Variants in ITGAV observed in about 807,000 individuals in gnomAD.
The protein encoded by ITGAV is integrin alpha-V.
In ITGAV, 76 loss-of-function variants were observed where a neutral mutation model predicts 143.8. The ratio of observed to expected loss-of-function variants is 0.53; its 90% confidence interval spans 0.44 to 0.64. The LOEUF (loss-of-function observed/expected upper bound fraction) is 0.64. ITGAV is among the 30% of genes least tolerant of loss of function. The pLI is 0.00. For synonymous variants in ITGAV, 453 were observed against 446.7 expected, an observed-to-expected ratio of 1.01 and a Z score of -0.18; for missense variants, 1,193 against 1,274.7, an observed-to-expected ratio of 0.94 and a Z score of 0.98.
chr2:186,665,269 T>C (rs1688858764), intron 21 of ITGAV, 51 bp downstream of exon 21: 1 of 1,142,706 alleles, frequency 8.8e-7, no homozygotes, highest in South Asian at 1.2e-5. Flanking sequence ...TAGAAAAGCA[T>C]ATTGTTGTCT....
chr2:186,596,046 C>T (rs1255522849), intron 1 of ITGAV, among the ~76,000 whole-genome samples: 1 of 152,166 alleles, frequency 6.6e-6, no homozygotes, highest in African/African-American at 2.4e-5. Context: ...TAGGGAATAA[C>T]TTATTAATGG....
chr2:186,674,927 A>G (rs1052236881), intron 26 of ITGAV, among the ~76,000 whole-genome samples: 3 of 152,182 alleles, frequency 2.0e-5, no homozygotes, highest in African/African-American at 7.2e-5. Context: ...ATGAAGTATG[A>G]TATTAGCTGT....
chr2:186,641,809 T>C (rs1688111685), intron 12 of ITGAV: 3 of 529,676 alleles, frequency 5.7e-6, no homozygotes, highest in Non-Finnish European at 6.7e-6. Flanking sequence ...TATTATTCAC[T>C]TGGCCTCAAA....
chr2:186,663,726 A>G (rs1688811183), intron 18 of ITGAV, 42 bp from the exon 19 acceptor site: 5 of 1,396,008 alleles, frequency 3.6e-6, no homozygotes, highest in Non-Finnish European at 5.1e-6. Flanking sequence ...TGCCACCTGC[A>G]TTGGTATTTT....
chr2:186,638,486 C>A, intron 10 of ITGAV, 21 bp downstream of exon 10: 3 of 1,591,066 alleles, frequency 1.9e-6, no homozygotes, highest in Non-Finnish European at 2.6e-6. Flanking sequence ...AAAATATGAT[C>A]GTCCTCTCCC....
chr2:186,641,156 A>G (rs1314674229), intron 11 of ITGAV, among the ~76,000 whole-genome samples, 189 bp downstream of exon 11: 1 of 152,134 alleles, frequency 6.6e-6, no homozygotes, highest in African/African-American at 2.4e-5. Context: ...GTTTTTTTTC[A>G]GTAGCTTTTA....
chr2:186,631,389 T>A (rs1687810699), intron 5 of ITGAV, among the ~76,000 whole-genome samples: 1 of 152,174 alleles, frequency 6.6e-6, no homozygotes, highest in South Asian at 2.1e-4. Flanking sequence ...TTAACTAAAT[T>A]AATATTCTCT....
In ITGAV at chr2:186,668,759, T is replaced by G. The variant is rs753652035; in HGVS notation, c.2434-3T>G. The G allele has an allele frequency of 1.2e-6, 2 of 1,612,066 alleles. No individual in the cohort carries two copies. The highest frequency in any genetic ancestry group is 3.4e-5 in the Admixed American group (2 of 59,636). ...GTAGATACATTTTCTTTTTTCTCCT[T>G]AGCTGAGAAACAATGGTCCAAGTTC... On this transcript the variant is annotated splice_polypyrimidine_tract_variant and splice_region_variant and intron_variant, in intron 24 of 29. Coordinates refer to ENST00000261023, the MANE Select transcript of ITGAV (RefSeq NM_002210.5).
At chr2:186,672,835 G>A (rs1038251556) in intron 26 of ITGAV, among the ~76,000 whole-genome samples, 3 of 152,116 alleles carry the variant, frequency 2.0e-5, no homozygotes, top group African/African-American at 7.2e-5. Flanking sequence ...TTAGATATAT[G>A]ATTGCACAGG....
intron 24 of ITGAV, 151 bp downstream of exon 24, chr2:186,667,927 C>A: frequency 2.5e-6 from 1 of 397,386 alleles, no homozygotes; most frequent in South Asian, 1.0e-4. Context: ...AATATTTTCC[C>A]TATACATAAA....
intron 5 of ITGAV, among the ~76,000 whole-genome samples, chr2:186,631,642 A>G (rs745566616): frequency 1.1e-4 from 16 of 152,228 alleles, no homozygotes; most frequent in Non-Finnish European, 1.6e-4. Context: ...ACGCTTTCTT[A>G]GAAATGTGAG....
chr2:186,630,788 T>G lies in ITGAV; in HGVS notation c.524-9T>G. On this transcript the variant is annotated splice_polypyrimidine_tract_variant and intron_variant, in intron 4 of 29. Transcript: ENST00000261023. The stretch of plus-strand genomic sequence containing the variant: ...GGGTTTGTGTATATTTCCAATCTTT[T>G]TATTTTAGAAGATATTGATGCTGAT... 6.6e-7 allele frequency: 1 copy of G among 1,522,862 alleles called. No homozygotes were observed. Among genetic ancestry groups the G allele is most frequent in the Non-Finnish European group, 9.1e-7 (1 of 1,101,536 alleles). The allele number at this position is 1,522,862 out of a possible 1,614,324, so 94.3% of individuals were successfully genotyped here.
chr2:186,677,393 T>G lies in ITGAV; in HGVS notation c.*101T>G, dbSNP rs1442457177. On this transcript the variant is annotated 3_prime_UTR_variant, in exon 30 of 30. Coordinates refer to ENST00000261023, the MANE Select transcript of ITGAV (RefSeq NM_002210.5). ...GAGGAGTAAAAATCCAAGGCTTTAC[T>G]GCTGATAGTGCTAATTGGCATTAAC... is the stretch of plus-strand genomic sequence containing the variant. The G allele has an allele frequency of 2.5e-6, 2 of 787,470 alleles. No homozygotes were observed. Among genetic ancestry groups the G allele is most frequent in the Non-Finnish European group, 4.2e-6 (2 of 471,226 alleles). The allele number at this position is 787,470 out of a possible 1,614,324, so 48.8% of individuals were successfully genotyped here. A position where few individuals can be genotyped will look rare whatever the true frequency, so the allele number is the denominator to read the frequency against.
intron 1 of ITGAV, among the ~76,000 whole-genome samples, chr2:186,597,483 T>C (rs1036689860): frequency 2.0e-5 from 3 of 152,240 alleles, no homozygotes; most frequent in Non-Finnish European, 2.9e-5. Context: ...TACTCCACTG[T>C]CCATTTAAAC....
At chr2:186,671,077 A>G (rs1476967435) in intron 26 of ITGAV, among the ~76,000 whole-genome samples, 1 of 152,112 alleles carries the variant, frequency 6.6e-6, no homozygotes, top group African/African-American at 2.4e-5. Flanking sequence ...TTTCATCACT[A>G]ACACAACCTA....
At chr2:186,623,350 CT>C (rs1010721386) in intron 3 of ITGAV, among the ~76,000 whole-genome samples, 25 of 148,186 alleles carry the variant, frequency 1.7e-4, no homozygotes, top group African/African-American at 2.5e-4. Flanking sequence ...GTCAACATCC[CT>C]TTTTTTTTTA....
intron 4 of ITGAV, among the ~76,000 whole-genome samples, chr2:186,627,208 A>G (rs1001624889): frequency 7.2e-5 from 11 of 152,202 alleles, no homozygotes; most frequent in African/African-American, 2.7e-4. Flanking sequence ...ACTCTGGAGC[A>G]TCAAGTACGT....
Position 186,654,631 on chromosome 2 carries a change from GT to G in ITGAV, c.1506-13del. ...AAACTGAATTATAGAATTTATGTAT[GT>G]TTTTTATTTTTCCACAGTTTTAATG... On this transcript the variant is annotated intron_variant, in intron 15 of 29. Transcript: ENST00000261023. 2 of 1,352,622 alleles carry G rather than the reference GT, an allele frequency of 1.5e-6. No individual in the cohort carries two copies. The highest frequency in any genetic ancestry group is 2.1e-6 in the Non-Finnish European group (2 of 957,726). 83.8% of individuals were successfully genotyped at this position (1,352,622 alleles called of 1,614,324 possible).
chr2:186,649,546 GC>G (rs1688366680), intron 13 of ITGAV, among the ~76,000 whole-genome samples: 2 of 151,908 alleles, frequency 1.3e-5, no homozygotes, highest in African/African-American at 4.8e-5. Context: ...TTTTCCTTTG[GC>G]AGTATGTATG....
Sources: gnomAD v4.1 joint callset for allele counts (sites outside exome capture counted in the v4.1 genomes callset) on GRCh38, gnomAD v4.1.1 for gene constraint, MANE v1.5 for transcripts, NCBI Gene and HGNC (gene_info 2026-07-23, HGNC 2026-07-21) for gene names.